The following TMEM14B variants were observed in gnomAD, a reference collection of about 807,000 sequenced individuals.
TMEM14B encodes transmembrane protein 14B.
In TMEM14B, 9 loss-of-function variants were observed where a neutral mutation model predicts 14.8. That is an observed-to-expected ratio of 0.61 (90% CI 0.37 to 1.06). The LOEUF (loss-of-function observed/expected upper bound fraction) is 1.06, where lower values mean the gene tolerates loss of function less well. Ranked by LOEUF, TMEM14B falls within the 50% of genes least tolerant of loss-of-function variation. The pLI is 0.01. For synonymous variants in TMEM14B, 40 were observed against 51.3 expected (o/e 0.78, Z 0.94); for missense variants, 128 against 143.6 (o/e 0.89, Z 0.56).
chr6:10,754,116 T>TA (rs1422271218), intron 4 of TMEM14B, among the ~76,000 whole-genome samples: 1 of 152,004 alleles, frequency 6.6e-6, no homozygotes, highest in African/African-American at 2.4e-5. Context: ...CCACTAAAAT[T>TA]AAAAAAGGCT....
At position 10,750,567 on chromosome 6, in the gene TMEM14B, G is replaced by A. The variant is rs147145701; in HGVS notation, c.101-566G>A. On this transcript the variant is annotated intron_variant, in intron 3 of 5. Transcript: ENST00000379542. ...TTAAGACTATTACAAGGTGATGGAC[G>A]CGGGGCTTTGGGCATTATCAATCGG... is the stretch of plus-strand genomic sequence containing the variant. Among the ~76,000 whole-genome samples the A allele has an allele frequency of 3.9e-5, 6 of 152,160 alleles. No individual in the cohort carries two copies. In the East Asian group the frequency reaches 9.6e-4, roughly 24 times the overall value.
rs1581612253 is a variant in TMEM14B, at chr6:10,751,320, A to C, written c.202+86A>C. Reference sequence around the variant, plus strand: ...GACCCTGGTTTGGTGGGATGGAGCGAGTTCTTCCCACTTAATTTACGACAG... The same window carrying C: ...GACCCTGGTTTGGTGGGATGGAGCGCGTTCTTCCCACTTAATTTACGACAG... On this transcript the variant is annotated intron_variant, in intron 4 of 5. Coordinates refer to ENST00000379542, the MANE Select transcript of TMEM14B (RefSeq NM_030969.5). 3 of 1,442,472 alleles carry C rather than the reference A, an allele frequency of 2.1e-6. No individual in the cohort carries two copies. In the East Asian group the frequency reaches 6.9e-5, roughly 33 times the overall value. The allele number at this position is 1,442,472 out of a possible 1,614,324, so 89.4% of individuals were successfully genotyped here.
downstream of TMEM14B, among the ~76,000 whole-genome samples, chr6:10,757,818 C>A (rs1353204871): frequency 6.6e-6 from 1 of 152,010 alleles, no homozygotes; most frequent in Non-Finnish European, 1.5e-5. Context: ...TGGTGAAACC[C>A]TGTCTCTACT....
chr6:10,753,503 A>G (rs1366119487), intron 4 of TMEM14B, among the ~76,000 whole-genome samples: 2 of 151,740 alleles, frequency 1.3e-5, no homozygotes, highest in Admixed American at 6.6e-5. Flanking sequence ...CTTTTTGGCC[A>G]CTAGATATTG....
intron 4 of TMEM14B, 135 bp from the exon 5 acceptor site, chr6:10,755,007 T>C (rs1024508738): frequency 1.4e-5 from 13 of 908,954 alleles, no homozygotes; most frequent in Non-Finnish European, 2.1e-5. Context: ...CAGCTAGTAA[T>C]CTCCCCTACT....
chr6:10,755,476 G>T, intron 5 of TMEM14B: 8 of 1,422,104 alleles, frequency 5.6e-6, no homozygotes, highest in Non-Finnish European at 6.4e-6. Flanking sequence ...CTATATGGTG[G>T]CAGAAGTTTT....
downstream of TMEM14B, among the ~76,000 whole-genome samples, chr6:10,757,472 T>TG (rs1771846027): frequency 6.6e-6 from 1 of 152,072 alleles, no homozygotes; most frequent in Admixed American, 6.5e-5. Flanking sequence ...GATTTAGGAC[T>TG]GTGTAGCAAA....
rs576862424 is a variant in TMEM14B, at chr6:10,747,892, G to A, written c.-45+11G>A. 6.6e-6 allele frequency: 1 copy of A among 152,324 alleles called. No individual in the cohort carries two copies. Among genetic ancestry groups the A allele is most frequent in the Non-Finnish European group, 1.5e-5 (1 of 68,086 alleles). The allele number at this position is 152,324 out of a possible 1,614,324, so 9.4% of individuals were successfully genotyped here. A position where few individuals can be genotyped will look rare whatever the true frequency, so the allele number is the denominator to read the frequency against. ...GCGGGCCTTCGGCAGGTCGGTGCAG[G>A]TCTTTGGAGAGTATTGTTTTTATTT... On this transcript the variant is annotated intron_variant, in intron 1 of 5. Transcript: ENST00000379542.
chr6:10,755,299 A>T (rs375859748), intron 5 of TMEM14B, 67 bp downstream of exon 5: 27 of 1,609,378 alleles, frequency 1.7e-5, no homozygotes, highest in East Asian at 1.3e-4. Context: ...TACTTTATGC[A>T]TTCAAAACCT....
At position 10,749,232 on chromosome 6, in the gene TMEM14B, C is replaced by T. The variant is rs200034112; in HGVS notation, c.-14C>T. 3.2e-5 allele frequency: 52 copies of T among 1,614,042 alleles called. No individual in the cohort carries two copies. The highest frequency in any genetic ancestry group is 3.3e-4 in the Middle Eastern group (2 of 6,082). On this transcript the variant is annotated 5_prime_UTR_variant, in exon 2 of 6. Coordinates refer to ENST00000379542, the MANE Select transcript of TMEM14B (RefSeq NM_030969.5). Reference sequence around the variant, plus strand: ...GGCCTGGGGTAGTCTCCTTTCTGGACTGAGAAGAGAAGAATGGAGAAGCCC... The same window carrying T: ...GGCCTGGGGTAGTCTCCTTTCTGGATTGAGAAGAGAAGAATGGAGAAGCCC...
intron 4 of TMEM14B, 50 bp from the exon 5 acceptor site, chr6:10,755,092 C>G: frequency 6.3e-7 from 1 of 1,594,028 alleles, no homozygotes; most frequent in Non-Finnish European, 8.6e-7. Context: ...CTTCTGATTC[C>G]CCTGCGTAGA....
Position 10,756,725 on chromosome 6 carries a change from T to C in TMEM14B, c.*207T>C. The C allele has an allele frequency of 7.7e-7, 1 of 1,301,326 alleles. No individual in the cohort carries two copies. The highest frequency in any genetic ancestry group is 9.8e-7 in the Non-Finnish European group (1 of 1,023,458). 80.6% of individuals were successfully genotyped at this position (1,301,326 alleles called of 1,614,324 possible). On this transcript the variant is annotated 3_prime_UTR_variant, in exon 6 of 6. Coordinates refer to ENST00000379542, the MANE Select transcript of TMEM14B (RefSeq NM_030969.5). ...GTGGTGAGCATGTAACATGAGCTTA[T>C]TGAGACCATCATAGAGATCGATTCT...
intron 1 of TMEM14B, among the ~76,000 whole-genome samples, chr6:10,748,362 C>T (rs1256214511): frequency 2.0e-5 from 3 of 152,162 alleles, no homozygotes; most frequent in Admixed American, 2.0e-4. Context: ...CCTCCCACCT[C>T]AGCCTCCCAA....
At chr6:10,749,343 A>G (rs1238113877) in intron 2 of TMEM14B, 75 bp downstream of exon 2, 1 of 1,578,340 alleles carries the variant, frequency 6.3e-7, no homozygotes, top group African/African-American at 1.4e-5. Flanking sequence ...AGCTGAAAAG[A>G]ACCCTAAGAG....
At chr6:10,754,989 G>A (rs993073026) in intron 4 of TMEM14B, among the ~76,000 whole-genome samples, 153 bp from the exon 5 acceptor site, 8 of 152,238 alleles carry the variant, frequency 5.3e-5, no homozygotes, top group Non-Finnish European at 1.0e-4. Flanking sequence ...GGACCCATAG[G>A]ATGTGGGCAG....
intron 4 of TMEM14B, 116 bp downstream of exon 4, chr6:10,751,350 A>G (rs1483242609): frequency 8.6e-6 from 10 of 1,167,388 alleles, no homozygotes; most frequent in Non-Finnish European, 1.2e-5. Context: ...CGACAGTTTC[A>G]CTGCTTCTCC....
intron 3 of TMEM14B, among the ~76,000 whole-genome samples, chr6:10,750,770 G>T (rs1771519886): frequency 6.6e-6 from 1 of 152,020 alleles, no homozygotes; most frequent in Non-Finnish European, 1.5e-5. Context: ...AATTCAGGTG[G>T]AAACAAGGCT....
At chr6:10,754,954 C>T (rs1771748278) in intron 4 of TMEM14B, among the ~76,000 whole-genome samples, 188 bp from the exon 5 acceptor site, 1 of 152,158 alleles carries the variant, frequency 6.6e-6, no homozygotes, top group Non-Finnish European at 1.5e-5. Context: ...CTGTGAAGGG[C>T]CCTATTTGGC....
chr6:10,758,736 G>C (rs150293406), downstream of TMEM14B, among the ~76,000 whole-genome samples: 1 of 152,130 alleles, frequency 6.6e-6, no homozygotes, highest in Non-Finnish European at 1.5e-5. Flanking sequence ...GTTAAGCTGA[G>C]TCTTGTCAGT....
Sources: gnomAD v4.1 joint callset for allele counts (sites outside exome capture counted in the v4.1 genomes callset) on GRCh38, gnomAD v4.1.1 for gene constraint, MANE v1.5 for transcripts, NCBI Gene and HGNC (gene_info 2026-07-23, HGNC 2026-07-21) for gene names.